Variants in FGF1 observed in about 807,000 individuals in gnomAD.
The protein encoded by FGF1 is fibroblast growth factor 1, also known as beta-endothelial cell growth factor.
Under a neutral mutation model 13.4 loss-of-function variants are expected in FGF1, and 9 were observed. That is an observed-to-expected ratio of 0.67 (90% CI 0.40 to 1.17). FGF1 has a LOEUF of 1.17. Ranked by LOEUF, FGF1 falls within the 50% of genes most tolerant of loss-of-function variation. The probability of loss-of-function intolerance (pLI) is 0.01; values close to 1 mark genes in which losing one functional copy is unlikely to be tolerated. For synonymous variants in FGF1, 93 were observed against 79.0 expected, an observed-to-expected ratio of 1.18 and a Z score of -0.94; for missense variants, 156 against 192.7, an observed-to-expected ratio of 0.81 and a Z score of 1.13.
At chr5:142,685,298 G>T (rs912976563) in intron 1 of FGF1, among the ~76,000 whole-genome samples, 2 of 152,160 alleles carry the variant, frequency 1.3e-5, no homozygotes, top group African/African-American at 4.8e-5. Flanking sequence ...GAGTGACCAT[G>T]GGGCCATGGG....
At chr5:142,598,944 C>T (rs1755870146) in intron 3 of FGF1, among the ~76,000 whole-genome samples, 1 of 152,146 alleles carries the variant, frequency 6.6e-6, no homozygotes, top group South Asian at 2.1e-4. Flanking sequence ...AAAACTGTGG[C>T]ATAACCTAAG....
chr5:142,691,181 G>A (rs1382284381), intron 2 of FGF1, among the ~76,000 whole-genome samples: 1 of 152,110 alleles, frequency 6.6e-6, no homozygotes, highest in Non-Finnish European at 1.5e-5. Flanking sequence ...AGCACTTTGG[G>A]AGGCCGACGC....
chr5:142,600,710 A>G lies in FGF1; in HGVS notation c.265T>C (p.Tyr89His). 6.2e-7 allele frequency: 1 copy of G among 1,611,270 alleles called. No homozygotes were observed. The highest frequency in any genetic ancestry group is 8.5e-7 in the Non-Finnish European group (1 of 1,177,340). Residue 89 changes from tyrosine (Y) to histidine (H), a missense_variant, in exon 3 of 4, where the codon TAC becomes CAC. By Grantham distance (83) the Tyr-to-His change is moderately conservative (BLOSUM62 2). Transcript: ENST00000337706. ...GTCAGCTTCATACTTACTGAGCCGT[A>G]TAAAAGCCCGTCGGTGTCCATGGCC... ...YLAMDTDGLL[Y>H]GSQTPNEECL...
intron 1 of FGF1, among the ~76,000 whole-genome samples, chr5:142,673,979 G>C (rs1030979391): frequency 1.3e-5 from 2 of 152,102 alleles, no homozygotes; most frequent in Non-Finnish European, 2.9e-5. Context: ...CCTGGCCTCT[G>C]TGGCATTTTA....
intron 1 of FGF1, among the ~76,000 whole-genome samples, chr5:142,650,397 A>T (rs1178896901): frequency 6.6e-6 from 1 of 152,244 alleles, no homozygotes. Flanking sequence ...ACCTGGCCTC[A>T]CCACTCACTT....
chr5:142,628,028 G>A (rs1006251667), intron 1 of FGF1, among the ~76,000 whole-genome samples: 1 of 152,102 alleles, frequency 6.6e-6, no homozygotes, highest in African/African-American at 2.4e-5. Context: ...GCAGGCAAAG[G>A]AGTCCTCCTT....
At chr5:142,607,211 C>T (rs1757872054) in intron 2 of FGF1, among the ~76,000 whole-genome samples, 1 of 152,122 alleles carries the variant, frequency 6.6e-6, no homozygotes, top group African/African-American at 2.4e-5. Context: ...GACAGGGACC[C>T]AGGAGAAATG....
intron 3 of FGF1, among the ~76,000 whole-genome samples, chr5:142,597,176 C>T (rs932942459): frequency 3.9e-5 from 6 of 152,208 alleles, no homozygotes; most frequent in African/African-American, 1.4e-4. Flanking sequence ...TGGAAACTTT[C>T]TGAAGACAAT....
At chr5:142,631,694 G>A (rs1421296605) in intron 1 of FGF1, among the ~76,000 whole-genome samples, 1 of 151,814 alleles carries the variant, frequency 6.6e-6, no homozygotes, top group African/African-American at 2.4e-5. Context: ...CGTTGCCTCA[G>A]ACTTCAATAC....
At chr5:142,691,283 A>T (rs1254545851) in intron 2 of FGF1, among the ~76,000 whole-genome samples, 5 of 152,032 alleles carry the variant, frequency 3.3e-5, no homozygotes, top group Admixed American at 6.5e-5. Flanking sequence ...TTAGCCAGGC[A>T]TGTTGGCTGG....
intron 1 of FGF1, among the ~76,000 whole-genome samples, chr5:142,663,391 C>T (rs1399774067): frequency 6.6e-6 from 1 of 152,152 alleles, no homozygotes; most frequent in Non-Finnish European, 1.5e-5. Flanking sequence ...AAGTCCTAGC[C>T]CTCATCTCCA....
chr5:142,693,664 C>T (rs916101021), intron 2 of FGF1, among the ~76,000 whole-genome samples: 1 of 152,132 alleles, frequency 6.6e-6, no homozygotes, highest in Non-Finnish European at 1.5e-5. Context: ...AAAGAAACCC[C>T]ATATCCATTA....
chr5:142,619,601 A>C (rs1160632761), intron 1 of FGF1, among the ~76,000 whole-genome samples: 1 of 152,224 alleles, frequency 6.6e-6, no homozygotes. Flanking sequence ...AAGGGGGATA[A>C]GGTGGAATAA....
chr5:142,606,670 A>C (rs1275834706), intron 2 of FGF1, among the ~76,000 whole-genome samples: 1 of 152,202 alleles, frequency 6.6e-6, no homozygotes, highest in Non-Finnish European at 1.5e-5. Context: ...TCATGAATAC[A>C]TCTATAGTAA....
chr5:142,694,685 C>T (rs546868694), intron 2 of FGF1, among the ~76,000 whole-genome samples: 19 of 152,246 alleles, frequency 1.2e-4, no homozygotes, highest in East Asian at 3.9e-4. Flanking sequence ...ATGTACTGAC[C>T]GGCAGCCCAA....
At chr5:142,629,864 A>G (rs1187578366) in intron 1 of FGF1, among the ~76,000 whole-genome samples, 1 of 142,454 alleles carries the variant, frequency 7.0e-6, no homozygotes, top group Non-Finnish European at 1.5e-5. Context: ...ATGATATTAT[A>G]TATACATATA....
At chr5:142,684,230 T>C (rs919887523) in intron 1 of FGF1, among the ~76,000 whole-genome samples, 2 of 152,192 alleles carry the variant, frequency 1.3e-5, no homozygotes, top group East Asian at 1.9e-4. Context: ...GTCCCTTCAA[T>C]GTAGATACGG....
intron 1 of FGF1, among the ~76,000 whole-genome samples, chr5:142,684,238 C>T (rs372417026): frequency 2.0e-5 from 3 of 152,266 alleles, no homozygotes; most frequent in South Asian, 2.1e-4. Flanking sequence ...AATGTAGATA[C>T]GGCATATGGA....
intron 1 of FGF1, among the ~76,000 whole-genome samples, chr5:142,674,758 A>G (rs1325246266): frequency 6.6e-6 from 1 of 152,166 alleles, no homozygotes; most frequent in Non-Finnish European, 1.5e-5. Flanking sequence ...CCAATTCAGG[A>G]TATGCTTCCA....
Sources: gnomAD v4.1 joint callset for allele counts (sites outside exome capture counted in the v4.1 genomes callset) on GRCh38, gnomAD v4.1.1 for gene constraint, MANE v1.5 for transcripts, NCBI Gene and HGNC (gene_info 2026-07-23, HGNC 2026-07-21) for gene names.